DNAAF1: variants seen among roughly 807,000 people sequenced by gnomAD.
DNAAF1 encodes dynein assembly factor 1, axonemal.
DNAAF1 carries 65 observed loss-of-function variants against 71.1 expected under a neutral mutation model. The ratio of observed to expected loss-of-function variants is 0.91; its 90% CI spans 0.75 to 1.12. The LOEUF (loss-of-function observed/expected upper bound fraction) is 1.12, where lower values mean the gene tolerates loss of function less well. Ranked by LOEUF, DNAAF1 falls within the 50% of genes most tolerant of loss-of-function variation. The pLI is 0.00. For synonymous variants in DNAAF1, 414 were observed against 354.6 expected (o/e 1.17, Z -1.88); for missense variants, 1,178 against 899.8 (o/e 1.31, Z -3.96).
At position 84,170,285 on chromosome 16, in the gene DNAAF1, G is replaced by A; in HGVS notation, c.1457G>A (p.Gly486Glu). ...CCTGTGAAGGTTAAAGGAGAGGATG[G>A]AGATCGAGAGCCAGAGGGGACCCTC... Reference protein sequence around the residue: ...SPPVKVKGEDGDREPEGTLPA... With the variant: ...SPPVKVKGEDEDREPEGTLPA... The change falls in exon 8 of 12, where the codon GGA (glycine) becomes GAA (glutamate). Residue 486 changes from glycine to glutamate, a missense_variant. By Grantham distance (98) the Gly-to-Glu change is moderately conservative. Transcript: ENST00000378553. 6.2e-7 allele frequency: 1 copy of A among 1,609,552 alleles called. No homozygotes were observed. The highest frequency in any genetic ancestry group is 8.5e-7 in the Non-Finnish European group (1 of 1,177,750).
chr16:84,174,309 A>G (rs2088539091), intron 9 of DNAAF1: 1 of 1,170,992 alleles, frequency 8.5e-7, no homozygotes, highest in African/African-American at 1.6e-5. Context: ...TTTATACCAC[A>G]TAGAGTTTTC....
At chr16:84,175,805 G>A in intron 10 of DNAAF1, 128 bp from the exon 11 acceptor site, 1 of 1,222,930 alleles carries the variant, frequency 8.2e-7, no homozygotes, top group Non-Finnish European at 1.2e-6. Flanking sequence ...GTTCCCTTGG[G>A]CCTTTCTTGG....
chr16:84,171,412 A>C (rs1392570780), intron 8 of DNAAF1, among the ~76,000 whole-genome samples: 2 of 152,160 alleles, frequency 1.3e-5, no homozygotes, highest in African/African-American at 4.8e-5. Flanking sequence ...AGATTGCACC[A>C]CTGCACTCCA....
At chr16:84,149,869 A>G (rs2087103555) in intron 2 of DNAAF1, among the ~76,000 whole-genome samples, 1 of 150,426 alleles carries the variant, frequency 6.6e-6, no homozygotes, top group Non-Finnish European at 1.5e-5. Context: ...TACTAAAAAT[A>G]CAAAAATTAG....
At position 84,150,185 on chromosome 16, in the gene DNAAF1, CTG is replaced by C. The variant is rs2087118765; in HGVS notation, c.261-63_261-62del. 9.5e-5 allele frequency: 117 copies of C among 1,226,836 alleles called. No homozygotes were observed. The South Asian group carries it at 1.3e-3, about 14-fold the overall frequency. 76.0% of individuals were successfully genotyped at this position (1,226,836 alleles called of 1,614,324 possible). ...GGGCAGGAATGGATGTGGTAAAGAACTGTGAGAATATGTTTTACAGCTGACAA... is the reference window on the plus strand; with the variant it reads ...GGGCAGGAATGGATGTGGTAAAGAACTGAGAATATGTTTTACAGCTGACAA... On this transcript the variant is annotated intron_variant, in intron 2 of 11. Coordinates refer to ENST00000378553, the MANE Select transcript of DNAAF1 (RefSeq NM_178452.6).
At chr16:84,155,476 C>A in intron 4 of DNAAF1, 107 bp from the exon 5 acceptor site, 1 of 1,278,988 alleles carries the variant, frequency 7.8e-7, no homozygotes, top group Non-Finnish European at 1.1e-6. Flanking sequence ...AAGATTCTCC[C>A]GCTTTAGCCT....
chr16:84,149,939 C>T (rs958573349), intron 2 of DNAAF1, among the ~76,000 whole-genome samples: 13 of 151,706 alleles, frequency 8.6e-5, no homozygotes, highest in African/African-American at 2.4e-4. Context: ...GCAGGAGAAT[C>T]GCTTGAACCT....
At chr16:84,154,434 C>A in intron 3 of DNAAF1, 143 bp from the exon 4 acceptor site, 1 of 761,792 alleles carries the variant, frequency 1.3e-6, no homozygotes, top group Non-Finnish European at 2.3e-6. Flanking sequence ...CTAATACCAT[C>A]ACATTAGGGG....
At chr16:84,152,432 C>G (rs1267601607) in intron 3 of DNAAF1, among the ~76,000 whole-genome samples, 1 of 152,054 alleles carries the variant, frequency 6.6e-6, no homozygotes, top group Non-Finnish European at 1.5e-5. Context: ...GCAGGCAGAT[C>G]AGGAGTTTGA....
At chr16:84,168,848 A>ACACG (rs1392344891) in intron 7 of DNAAF1, among the ~76,000 whole-genome samples, 1 of 151,608 alleles carries the variant, frequency 6.6e-6, no homozygotes, top group African/African-American at 2.4e-5. Flanking sequence ...ACACACACAC[A>ACACG]CACACACACT....
chr16:84,170,488 C>T, intron 8 of DNAAF1, 132 bp downstream of exon 8: 1 of 1,394,352 alleles, frequency 7.2e-7, no homozygotes, highest in East Asian at 2.4e-5. Flanking sequence ...AGATAATGGA[C>T]ACTAGTTATC....
At chr16:84,161,109 G>A (rs1188499461) in intron 6 of DNAAF1, among the ~76,000 whole-genome samples, 1 of 152,080 alleles carries the variant, frequency 6.6e-6, no homozygotes, top group African/African-American at 2.4e-5. Context: ...TACACCCTTG[G>A]GGGAGCTCCC....
At position 84,154,905 on chromosome 16, in the gene DNAAF1, T is replaced by G. The variant is rs1159123416; in HGVS notation, c.574+107T>G. ...ATGGGCAAGAAGTGGTGTTTTTTTT[T>G]GTCTTTTTTTTGTTTTTTTTTGAGA... On this transcript the variant is annotated intron_variant, in intron 4 of 11. Transcript: ENST00000378553. 8 of 1,072,666 alleles carry G rather than the reference T, an allele frequency of 7.5e-6. No individual in the cohort carries two copies. In the East Asian group the frequency reaches 7.5e-5, roughly 10 times the overall value. The allele number at this position is 1,072,666 out of a possible 1,614,324, so 66.4% of individuals were successfully genotyped here.
At chr16:84,174,859 C>A (rs2088569233) in intron 10 of DNAAF1, 137 bp downstream of exon 10, 2 of 1,125,878 alleles carry the variant, frequency 1.8e-6, no homozygotes, top group Admixed American at 2.0e-5. Context: ...TATTCTTTTT[C>A]TTTTCTTTTC....
intron 6 of DNAAF1, among the ~76,000 whole-genome samples, chr16:84,161,136 A>G (rs558236323): frequency 4.6e-5 from 7 of 152,224 alleles, no homozygotes; most frequent in Admixed American, 4.6e-4. Flanking sequence ...CCCTGGGCGC[A>G]CGTTCCTCAT....
intron 10 of DNAAF1, chr16:84,175,542 C>G: frequency 3.6e-6 from 1 of 275,656 alleles, no homozygotes; most frequent in South Asian, 3.9e-5. Flanking sequence ...AGCACGAGCT[C>G]AGCAGCAAAG....
chr16:84,154,089 G>A (rs751564564), intron 3 of DNAAF1, among the ~76,000 whole-genome samples: 4 of 152,182 alleles, frequency 2.6e-5, no homozygotes, highest in Non-Finnish European at 5.9e-5. Context: ...TCCAAGAAAA[G>A]TTGCTACTGG....
chr16:84,164,784 G>A (rs185618202), intron 6 of DNAAF1, among the ~76,000 whole-genome samples: 1 of 152,184 alleles, frequency 6.6e-6, no homozygotes, highest in East Asian at 1.9e-4. Flanking sequence ...AAATACTCAG[G>A]AGCACAATTG....
At chr16:84,159,654 G>A (rs1416038650) in intron 5 of DNAAF1, 21 bp from the exon 6 acceptor site, 3 of 1,600,028 alleles carry the variant, frequency 1.9e-6, no homozygotes, top group Admixed American at 1.7e-5. Context: ...AATCATTTTG[G>A]TTCTGCTTGT....
Sources: allele counts gnomAD v4.1 joint callset (sites outside exome capture counted in the v4.1 genomes callset), GRCh38; gene constraint gnomAD v4.1.1; transcripts MANE v1.5; gene names NCBI Gene and HGNC (gene_info 2026-07-23, HGNC 2026-07-21).